Variants in KIF1B observed in about 807,000 individuals in gnomAD.
KIF1B encodes kinesin family member 1B.
In KIF1B, 76 loss-of-function variants were observed where a neutral mutation model predicts 241.9. The ratio of observed to expected loss-of-function variants is 0.31; its 90% confidence interval spans 0.26 to 0.38. KIF1B has a LOEUF of 0.38. KIF1B is among the 10% of genes least tolerant of loss of function. The pLI is 1.00. For missense variants in KIF1B, 1,622 were observed against 2,271.4 expected, an observed-to-expected ratio of 0.71 and a Z score of 5.81; for synonymous variants, 750 against 796.7, an observed-to-expected ratio of 0.94 and a Z score of 0.99.
rs971612411 is a variant in KIF1B at position 10,278,183 on chromosome 1, A to C, written c.1180+55A>C. 16 of 1,553,914 alleles carry C rather than the reference A, an allele frequency of 1.0e-5. No homozygotes were observed. In the East Asian group the frequency reaches 1.3e-4, roughly 13 times the overall value. ...TAATCCTTTCTTCTTCAGGGTTCTT[A>C]TTCAGCGTTCTTATATTTAAAATAA... On this transcript the variant is annotated intron_variant, in intron 13 of 48. Transcript: ENST00000676179.
chr1:10,229,063 T>C (rs1335267402), intron 1 of KIF1B, among the ~76,000 whole-genome samples: 2 of 152,202 alleles, frequency 1.3e-5, no homozygotes, highest in African/African-American at 4.8e-5. Flanking sequence ...GGTTGCAATG[T>C]GTTTTATGTC....
chr1:10,329,988 A>ATT (rs1651863683), intron 27 of KIF1B, among the ~76,000 whole-genome samples: 1 of 152,198 alleles, frequency 6.6e-6, no homozygotes, highest in Non-Finnish European at 1.5e-5. Flanking sequence ...CTTAACTGAC[A>ATT]TTCTTTCTAT....
intron 22 of KIF1B, among the ~76,000 whole-genome samples, chr1:10,316,149 C>T (rs1651295904): frequency 6.6e-6 from 1 of 150,432 alleles, no homozygotes; most frequent in Non-Finnish European, 1.5e-5. Context: ...AGGAGGATCA[C>T]TTGAGCCTGA....
chr1:10,216,227 T>C (rs957821171), intron 1 of KIF1B, among the ~76,000 whole-genome samples: 1 of 152,184 alleles, frequency 6.6e-6, no homozygotes, highest in Admixed American at 6.5e-5. Context: ...AAACATTGGC[T>C]TCATTCTGTT....
At chr1:10,317,685 G>T (rs1182827158) in intron 22 of KIF1B, among the ~76,000 whole-genome samples, 2 of 151,122 alleles carry the variant, frequency 1.3e-5, no homozygotes, top group African/African-American at 2.5e-5. Flanking sequence ...CAAAAAATTA[G>T]CCAGGCACGG....
Position 10,364,745 on chromosome 1 carries a change from G to A in KIF1B, c.4367-355G>A, listed in dbSNP as rs113345374. 9.0e-3 allele frequency among the ~76,000 whole-genome samples: 1,374 copies of A among 151,914 alleles called. 35 individuals carry two copies. Among genetic ancestry groups the A allele is most frequent in the African/African-American group, 0.031 (1,299 of 41,476 alleles). On this transcript the variant is annotated intron_variant, in intron 41 of 48. Coordinates refer to ENST00000676179, the MANE Select transcript of KIF1B (RefSeq NM_001365951.3). ...TTCGTGGCCAGGCGCGGTGGCTCAC[G>A]CCTGTAATTCCAGCACTTTGGGAGG... is the stretch of plus-strand genomic sequence containing the variant.
chr1:10,321,447 TA>T (rs893074875), intron 23 of KIF1B, among the ~76,000 whole-genome samples: 4 of 151,624 alleles, frequency 2.6e-5, no homozygotes, highest in African/African-American at 9.7e-5. Flanking sequence ...TACCTTTTTT[TA>T]AAAAAAAGAA....
chr1:10,216,497 A>G (rs1320248099), intron 1 of KIF1B, among the ~76,000 whole-genome samples: 1 of 152,126 alleles, frequency 6.6e-6, no homozygotes, highest in Non-Finnish European at 1.5e-5. Context: ...CTTACTATGC[A>G]GAAGCCAGCC....
At chr1:10,311,192 G>A (rs962804004) in intron 22 of KIF1B, among the ~76,000 whole-genome samples, 6 of 149,050 alleles carry the variant, frequency 4.0e-5, no homozygotes, top group African/African-American at 1.3e-4. Context: ...TACTTATTAC[G>A]TCCTACTTGC....
At chr1:10,368,592 C>T in intron 44 of KIF1B, 54 bp downstream of exon 44, 1 of 1,445,572 alleles carries the variant, frequency 6.9e-7, no homozygotes, top group Non-Finnish European at 9.7e-7. Context: ...GATTTCTCCA[C>T]AGCAGCCCAG....
intron 2 of KIF1B, among the ~76,000 whole-genome samples, chr1:10,242,668 C>G (rs2102151924): frequency 6.6e-6 from 1 of 152,220 alleles, no homozygotes; most frequent in Admixed American, 6.5e-5. Flanking sequence ...AGATGCCCAC[C>G]ACCATGCCCA....
chr1:10,295,918 A>T, intron 19 of KIF1B, 152 bp downstream of exon 19: 1 of 716,006 alleles, frequency 1.4e-6, no homozygotes. Context: ...ATGAATGCAG[A>T]GATGGACAAG....
rs754250794 is a variant in KIF1B at position 10,376,651 on chromosome 1, C to T, written c.*64C>T. ...AAAGAAAGCGTTACCTCTCATTTCT[C>T]TTTGTGATTCTTGACGGTGACTCTT... is the stretch of plus-strand genomic sequence containing the variant. On this transcript the variant is annotated 3_prime_UTR_variant, in exon 49 of 49. Coordinates refer to ENST00000676179, the MANE Select transcript of KIF1B (RefSeq NM_001365951.3). 2 of 1,473,642 alleles carry T rather than the reference C, an allele frequency of 1.4e-6. No individual in the cohort carries two copies. The highest frequency in any genetic ancestry group is 1.9e-6 in the Non-Finnish European group (2 of 1,052,572). The allele number at this position is 1,473,642 out of a possible 1,614,324, so 91.3% of individuals were successfully genotyped here.
chr1:10,304,426 A>G (rs1398922557), intron 22 of KIF1B: 3 of 1,613,664 alleles, frequency 1.9e-6, no homozygotes, highest in South Asian at 1.1e-5. Flanking sequence ...TGGTCACCCC[A>G]CTGCTGATGT....
At chr1:10,323,760 A>G (rs1651613053) in intron 24 of KIF1B, 124 bp from the exon 25 acceptor site, 1 of 754,086 alleles carries the variant, frequency 1.3e-6, no homozygotes, top group Non-Finnish European at 2.3e-6. Context: ...TTCAGTAGAA[A>G]GTTAGTCACA....
intron 1 of KIF1B, among the ~76,000 whole-genome samples, chr1:10,230,345 A>AT (rs1455885378): frequency 6.7e-6 from 1 of 149,838 alleles, no homozygotes; most frequent in Non-Finnish European, 1.5e-5. Flanking sequence ...TCTTTTTTAG[A>AT]TTTTTCCTTT....
chr1:10,229,438 C>T (rs1646949672), intron 1 of KIF1B, among the ~76,000 whole-genome samples: 1 of 152,064 alleles, frequency 6.6e-6, no homozygotes, highest in Non-Finnish European at 1.5e-5. Flanking sequence ...TAAGTGCTAG[C>T]AAACGAGACA....
chr1:10,371,334 A>C, intron 45 of KIF1B, 72 bp downstream of exon 45: 10 of 1,567,408 alleles, frequency 6.4e-6, no homozygotes, highest in East Asian at 2.3e-5. Flanking sequence ...CTCTAGCTCA[A>C]TGGTTCTTGA....
intron 2 of KIF1B, among the ~76,000 whole-genome samples, chr1:10,239,780 T>C (rs187761337): frequency 2.3e-3 from 347 of 151,898 alleles, no homozygotes; most frequent in African/African-American, 8.0e-3. Context: ...GCTAATTTTT[T>C]TTTGAGATGG....
Sources: gnomAD v4.1 joint callset for allele counts (sites outside exome capture counted in the v4.1 genomes callset) on GRCh38, gnomAD v4.1.1 for gene constraint, MANE v1.5 for transcripts, NCBI Gene and HGNC (gene_info 2026-07-23, HGNC 2026-07-21) for gene names.